The following CSMD1 variants were observed in gnomAD, a reference collection of about 807,000 sequenced individuals.
CSMD1 encodes CUB and Sushi multiple domains 1.
A neutral mutation model predicts 417.5 loss-of-function variants in CSMD1; 213 were observed. The ratio of observed to expected loss-of-function variants is 0.51; its 90% CI spans 0.46 to 0.57. CSMD1 has a LOEUF of 0.57. Ranked by LOEUF, CSMD1 falls within the 20% of genes least tolerant of loss-of-function variation. CSMD1 has a pLI of 0.00. For synonymous variants in CSMD1, 2,862 were observed against 1,736.8 expected (o/e 1.65, Z -16.11); for missense variants, 6,923 against 4,529.7 (o/e 1.53, Z -15.17).
intron 7 of CSMD1, among the ~76,000 whole-genome samples, chr8:3,689,162 G>A (rs549250349): frequency 1.7e-4 from 26 of 152,184 alleles, no homozygotes; most frequent in Non-Finnish European, 3.4e-4. Flanking sequence ...CGCGCTCTAA[G>A]GTTGGGAACA....
chr8:4,226,887 T>G (rs1022465558), intron 3 of CSMD1, among the ~76,000 whole-genome samples: 2 of 152,334 alleles, frequency 1.3e-5, no homozygotes, highest in South Asian at 2.1e-4. Flanking sequence ...AAATACATAT[T>G]TGAACGTAAA....
At chr8:3,243,518 AG>A (rs1479601335) in intron 26 of CSMD1, among the ~76,000 whole-genome samples, 7 of 152,008 alleles carry the variant, frequency 4.6e-5, no homozygotes, top group Admixed American at 4.6e-4. Context: ...GATGCTCAGC[AG>A]GGGAGTTTTT....
rs549877589 is a variant in CSMD1 at position 3,308,271 on chromosome 8, G to C, written c.3823+41C>G. The stretch of plus-strand genomic sequence containing the variant: ...TGCAACATGGTGCAAGCACCCTAAG[G>C]CCTGGCTTTTGCACAATGGTATGAC... On this transcript the variant is annotated intron_variant, in intron 24 of 69. Transcript: ENST00000635120. The C allele has an allele frequency of 1.6e-4, 239 of 1,515,454 alleles. No homozygotes were observed. In the East Asian group the frequency reaches 3.9e-3, roughly 25 times the overall value. 93.9% of individuals were successfully genotyped at this position (1,515,454 alleles called of 1,614,324 possible). A position where few individuals can be genotyped will look rare whatever the true frequency, so the allele number is the denominator to read the frequency against.
At chr8:3,960,548 G>T (rs561509031) in intron 5 of CSMD1, among the ~76,000 whole-genome samples, 2 of 152,040 alleles carry the variant, frequency 1.3e-5, no homozygotes, top group Non-Finnish European at 2.9e-5. Context: ...AATTAGGAAA[G>T]CATTTTTAGT....
intron 8 of CSMD1, among the ~76,000 whole-genome samples, chr8:3,604,843 G>C (rs1801533223): frequency 6.6e-6 from 1 of 152,110 alleles, no homozygotes; most frequent in Admixed American, 6.5e-5. Flanking sequence ...ACAACAGTGA[G>C]AGTTATCTAG....
chr8:3,772,023 A>C (rs761579666), intron 5 of CSMD1, among the ~76,000 whole-genome samples: 3 of 151,846 alleles, frequency 2.0e-5, no homozygotes, highest in Non-Finnish European at 4.4e-5. Context: ...TTTGAAATGG[A>C]TCTAAAGAGG....
At chr8:3,786,755 T>C (rs1208058763) in intron 5 of CSMD1, among the ~76,000 whole-genome samples, 1 of 152,190 alleles carries the variant, frequency 6.6e-6, no homozygotes, top group African/African-American at 2.4e-5. Context: ...AGAACTTTCT[T>C]TCAAGCTCAC....
At chr8:3,716,483 G>A (rs1170824364) in intron 6 of CSMD1, among the ~76,000 whole-genome samples, 1 of 152,190 alleles carries the variant, frequency 6.6e-6, no homozygotes, top group Non-Finnish European at 1.5e-5. Context: ...TTGTGATGCT[G>A]CATTCGTAAA....
At chr8:4,240,949 A>T (rs147067148) in intron 3 of CSMD1, among the ~76,000 whole-genome samples, 1 of 152,320 alleles carries the variant, frequency 6.6e-6, no homozygotes, top group African/African-American at 2.4e-5. Context: ...TCTGACAATT[A>T]TACCTTCTAA....
chr8:3,325,696 C>T (rs780386470), intron 23 of CSMD1, among the ~76,000 whole-genome samples: 3 of 152,018 alleles, frequency 2.0e-5, no homozygotes, highest in South Asian at 2.1e-4. Context: ...TGGTGGCAGG[C>T]GCCTATAATC....
chr8:3,338,145 T>G (rs1807395076), intron 23 of CSMD1, among the ~76,000 whole-genome samples: 1 of 152,140 alleles, frequency 6.6e-6, no homozygotes, highest in South Asian at 2.1e-4. Flanking sequence ...CCCTCTGAGG[T>G]GCTAAAACCA....
intron 3 of CSMD1, among the ~76,000 whole-genome samples, chr8:4,145,569 T>G (rs1241068189): frequency 6.6e-6 from 1 of 151,040 alleles, no homozygotes; most frequent in East Asian, 1.9e-4. Context: ...TATTATTTTT[T>G]GTGGAGAGAC....
chr8:3,334,307 G>T (rs995886273), intron 23 of CSMD1, among the ~76,000 whole-genome samples: 6 of 152,148 alleles, frequency 3.9e-5, no homozygotes, highest in Non-Finnish European at 5.9e-5. Context: ...ATTGCATTCA[G>T]CAGCTGTGTA....
chr8:4,088,094 A>G (rs748766250), intron 3 of CSMD1, among the ~76,000 whole-genome samples: 2 of 152,230 alleles, frequency 1.3e-5, no homozygotes, highest in African/African-American at 2.4e-5. Flanking sequence ...AAACCACAAA[A>G]GGAGAAAGAG....
intron 21 of CSMD1, among the ~76,000 whole-genome samples, chr8:3,354,246 C>G (rs1007356072): frequency 3.3e-5 from 5 of 152,098 alleles, no homozygotes; most frequent in Non-Finnish European, 5.9e-5. Context: ...TAAATAACCT[C>G]GAGCCTATAC....
intron 4 of CSMD1, among the ~76,000 whole-genome samples, chr8:4,019,808 G>T (rs1364384776): frequency 6.6e-6 from 1 of 151,686 alleles, no homozygotes; most frequent in Non-Finnish European, 1.5e-5. Flanking sequence ...TGCCACACAG[G>T]CCTTTCTTTC....
At chr8:3,498,593 T>G (rs1344603847) in intron 10 of CSMD1, among the ~76,000 whole-genome samples, 1 of 152,212 alleles carries the variant, frequency 6.6e-6, no homozygotes, top group East Asian at 1.9e-4. Flanking sequence ...ATAGATATCC[T>G]ACACCTTTCT....
intron 5 of CSMD1, among the ~76,000 whole-genome samples, chr8:3,937,270 C>A (rs180970794): frequency 1.4e-5 from 2 of 144,884 alleles, no homozygotes; most frequent in Admixed American, 6.7e-5. Flanking sequence ...TTAGAGAAGA[C>A]TGACTGAATT....
intron 3 of CSMD1, among the ~76,000 whole-genome samples, chr8:4,417,853 C>G (rs1012302331): frequency 2.0e-5 from 3 of 151,906 alleles, no homozygotes; most frequent in Non-Finnish European, 4.4e-5. Context: ...TAAATTCTGA[C>G]CTTTTCCCAT....
Sources: allele counts gnomAD v4.1 joint callset (sites outside exome capture counted in the v4.1 genomes callset), GRCh38; gene constraint gnomAD v4.1.1; transcripts MANE v1.5; gene names NCBI Gene and HGNC (gene_info 2026-07-23, HGNC 2026-07-21).